B3GALT1: variants seen among roughly 807,000 people sequenced by gnomAD.
B3GALT1 encodes UDP-Gal:betaGlcNAc beta 1,3-galactosyltransferase, polypeptide 1.
Under a neutral mutation model 23.2 loss-of-function variants are expected in B3GALT1, and 10 were observed. That is an observed-to-expected ratio of 0.43 (90% confidence interval 0.27 to 0.73). B3GALT1 has a LOEUF of 0.73. Ranked by LOEUF, B3GALT1 falls within the 30% of genes least tolerant of loss-of-function variation. The pLI is 0.21. For synonymous variants in B3GALT1, 156 were observed against 141.5 expected, an observed-to-expected ratio of 1.10 and a Z score of -0.73; for missense variants, 299 against 405.4, an observed-to-expected ratio of 0.74 and a Z score of 2.25.
chr2:167,293,178 G>A lies in B3GALT1; in HGVS notation c.-667G>A, dbSNP rs569387320. The A allele has an allele frequency of 6.6e-6, 1 of 151,842 alleles. No individual in the cohort carries two copies. The highest frequency in any genetic ancestry group is 1.5e-5 in the Non-Finnish European group (1 of 67,830). The allele number at this position is 151,842 out of a possible 1,614,324, so 9.4% of individuals were successfully genotyped here. ...GCGGCCGCCGGGGAGGGGCGGCCGAGAGAGCGGAGCACGAGGAGGCGGGGG... is the reference window on the plus strand; with the variant it reads ...GCGGCCGCCGGGGAGGGGCGGCCGAAAGAGCGGAGCACGAGGAGGCGGGGG... On this transcript the variant is annotated 5_prime_UTR_variant, in exon 1 of 5. Transcript: ENST00000392690.
chr2:167,427,295 G>A (rs1299424521), intron 1 of B3GALT1, among the ~76,000 whole-genome samples: 2 of 152,116 alleles, frequency 1.3e-5, no homozygotes, highest in Non-Finnish European at 2.9e-5. Context: ...GCATCTGCTT[G>A]TTGGTGAAGT....
At chr2:167,606,279 A>G (rs1684960713) in intron 2 of B3GALT1, among the ~76,000 whole-genome samples, 1 of 152,214 alleles carries the variant, frequency 6.6e-6, no homozygotes, top group Admixed American at 6.5e-5. Context: ...TAATTGAAAG[A>G]AACCTATGGG....
chr2:167,361,252 C>T (rs1380888540), intron 1 of B3GALT1, among the ~76,000 whole-genome samples: 1 of 132,742 alleles, frequency 7.5e-6, no homozygotes, highest in African/African-American at 2.8e-5. Context: ...ATCCAGCAAA[C>T]GTCTTTTAAG....
At chr2:167,308,440 A>G (rs1696581938) in intron 1 of B3GALT1, among the ~76,000 whole-genome samples, 1 of 152,018 alleles carries the variant, frequency 6.6e-6, no homozygotes, top group Admixed American at 6.6e-5. Flanking sequence ...TATTATTCAT[A>G]TCTTCTGTCA....
intron 1 of B3GALT1, among the ~76,000 whole-genome samples, chr2:167,395,058 G>T (rs1196286360): frequency 6.6e-6 from 1 of 152,140 alleles, no homozygotes; most frequent in Non-Finnish European, 1.5e-5. Context: ...TGGGACTTTT[G>T]AGTTGATAAT....
chr2:167,365,976 C>G (rs890515176), intron 1 of B3GALT1, among the ~76,000 whole-genome samples: 72 of 152,158 alleles, frequency 4.7e-4, no homozygotes, highest in African/African-American at 1.7e-3. Context: ...TACCTGCGCT[C>G]TTTTTGTCTA....
chr2:167,840,370 T>G (rs1689615361), intron 4 of B3GALT1, among the ~76,000 whole-genome samples: 1 of 152,006 alleles, frequency 6.6e-6, no homozygotes, highest in Non-Finnish European at 1.5e-5. Context: ...GCAAAGGACA[T>G]GAACAGACAC....
At chr2:167,295,568 A>G (rs1436267836) in intron 1 of B3GALT1, among the ~76,000 whole-genome samples, 2 of 152,250 alleles carry the variant, frequency 1.3e-5, no homozygotes, top group African/African-American at 2.4e-5. Context: ...ATAAACTTCA[A>G]TTAAAACTAA....
At chr2:167,446,421 G>A (rs1037688128) in intron 1 of B3GALT1, among the ~76,000 whole-genome samples, 1 of 152,184 alleles carries the variant, frequency 6.6e-6, no homozygotes, top group Non-Finnish European at 1.5e-5. Flanking sequence ...GCCTTGCTAA[G>A]TTGGGGAAGT....
At chr2:167,767,239 T>C (rs190712533) in intron 3 of B3GALT1, among the ~76,000 whole-genome samples, 36 of 152,342 alleles carry the variant, frequency 2.4e-4, no homozygotes, top group African/African-American at 8.2e-4. Context: ...TCCTCTTCAA[T>C]TGGGGCATCA....
At chr2:167,666,405 G>A (rs1388620330) in intron 3 of B3GALT1, among the ~76,000 whole-genome samples, 4 of 152,082 alleles carry the variant, frequency 2.6e-5, no homozygotes, top group Admixed American at 6.6e-5. Context: ...GTGGTGTGGT[G>A]CTGAAAAAAA....
At chr2:167,867,671 G>A (rs1044686332) in intron 4 of B3GALT1, among the ~76,000 whole-genome samples, 9 of 152,132 alleles carry the variant, frequency 5.9e-5, no homozygotes, top group African/African-American at 2.2e-4. Flanking sequence ...GTACATGTAA[G>A]CACATGGTTT....
intron 2 of B3GALT1, among the ~76,000 whole-genome samples, chr2:167,548,392 T>C (rs1186031814): frequency 6.6e-6 from 1 of 152,214 alleles, no homozygotes; most frequent in Non-Finnish European, 1.5e-5. Flanking sequence ...AGACTCTAGT[T>C]CCCAGATGCT....
chr2:167,617,391 C>T (rs1389296328), intron 2 of B3GALT1, among the ~76,000 whole-genome samples: 1 of 151,994 alleles, frequency 6.6e-6, no homozygotes, highest in Non-Finnish European at 1.5e-5. Context: ...GGCAAAGAGA[C>T]ATGGTATGCT....
intron 2 of B3GALT1, among the ~76,000 whole-genome samples, chr2:167,609,862 A>G (rs1685028355): frequency 6.6e-6 from 1 of 152,148 alleles, no homozygotes; most frequent in African/African-American, 2.4e-5. Context: ...TGTAAGTGCA[A>G]GCAGGAAGAG....
chr2:167,563,459 A>G (rs13003237), intron 2 of B3GALT1, among the ~76,000 whole-genome samples: 37 of 77,822 alleles, frequency 4.8e-4, no homozygotes, highest in South Asian at 2.3e-3. Flanking sequence ...CAGGCAGAGG[A>G]GCTCCTCACT....
At chr2:167,611,622 G>T (rs150444247) in intron 2 of B3GALT1, among the ~76,000 whole-genome samples, 2 of 152,056 alleles carry the variant, frequency 1.3e-5, no homozygotes, top group African/African-American at 4.8e-5. Flanking sequence ...GTTAAGAAAT[G>T]ATGTCCTTGC....
At chr2:167,784,256 G>A (rs1688302691) in intron 3 of B3GALT1, among the ~76,000 whole-genome samples, 1 of 152,196 alleles carries the variant, frequency 6.6e-6, no homozygotes, top group South Asian at 2.1e-4. Flanking sequence ...ATTACCAGGA[G>A]ATGTGCACCC....
At chr2:167,572,485 C>T (rs1684311719) in intron 2 of B3GALT1, among the ~76,000 whole-genome samples, 1 of 151,706 alleles carries the variant, frequency 6.6e-6, no homozygotes, top group African/African-American at 2.4e-5. Flanking sequence ...TTAACTATTC[C>T]AGTACATTAA....
Sources: allele counts gnomAD v4.1 joint callset (sites outside exome capture counted in the v4.1 genomes callset), GRCh38; gene constraint gnomAD v4.1.1; transcripts MANE v1.5; gene names NCBI Gene and HGNC (gene_info 2026-07-23, HGNC 2026-07-21).